The following FANCA variants were observed in gnomAD, a reference collection of about 807,000 sequenced individuals.
The protein encoded by FANCA is Fanconi anemia group A protein.
Under a neutral mutation model 194.3 loss-of-function variants are expected in FANCA, and 236 were observed. That is an observed-to-expected ratio of 1.21 (90% CI 1.09 to 1.35). The LOEUF (loss-of-function observed/expected upper bound fraction) is 1.35, where lower values mean the gene tolerates loss of function less well. FANCA is among the 40% of genes most tolerant of loss of function. The pLI is 0.00. For missense variants in FANCA, 2,628 were observed against 1,813.9 expected, an observed-to-expected ratio of 1.45 and a Z score of -8.15; for synonymous variants, 1,014 against 715.8, an observed-to-expected ratio of 1.42 and a Z score of -6.65.
chr16:89,785,506 T>C lies in FANCA; in HGVS notation c.1360-542A>G, dbSNP rs542413866. 2.6e-5 allele frequency among the ~76,000 whole-genome samples: 4 copies of C among 152,048 alleles called. No individual in the cohort carries two copies. In the East Asian group the frequency reaches 5.8e-4, roughly 22 times the overall value. On this transcript the variant is annotated intron_variant, in intron 14 of 42. Transcript: ENST00000389301. ...CCAAGGAGGGCCACCCCTCAGACAATGAAGCTGCAAGACCCTAGCAGAGCA... is the reference window on the plus strand; with the variant it reads ...CCAAGGAGGGCCACCCCTCAGACAACGAAGCTGCAAGACCCTAGCAGAGCA...
intron 36 of FANCA, chr16:89,744,677 G>GTTT (rs34088132): frequency 9.3e-5 from 35 of 376,662 alleles, no homozygotes; most frequent in African/African-American, 4.8e-4. Context: ...TTTTTTTTTT[G>GTTT]TTTTTTTTCT....
At chr16:89,799,380 A>C (rs1045083620) in intron 9 of FANCA, 148 bp from the exon 10 acceptor site, 18 of 1,011,608 alleles carry the variant, frequency 1.8e-5, no homozygotes, top group Non-Finnish European at 2.7e-5. Flanking sequence ...TGTAGGCCTT[A>C]ATCAAAACAC....
chr16:89,816,516 C>A, intron 1 of FANCA, 21 bp downstream of exon 1: 1 of 1,481,668 alleles, frequency 6.7e-7, no homozygotes, highest in Non-Finnish European at 8.9e-7. Flanking sequence ...CCCACTCCCG[C>A]GGCCTGCCGC....
intron 17 of FANCA, among the ~76,000 whole-genome samples, chr16:89,781,990 G>A (rs1312805439): frequency 6.6e-6 from 1 of 150,618 alleles, no homozygotes; most frequent in Non-Finnish European, 1.5e-5. Flanking sequence ...CTGGGCGACA[G>A]AGCGAGACTC....
In FANCA at chr16:89,781,862, G is replaced by A. The variant is rs905518235; in HGVS notation, c.1626+997C>T. On this transcript the variant is annotated intron_variant, in intron 17 of 42. Coordinates refer to ENST00000389301, the MANE Select transcript of FANCA (RefSeq NM_000135.4). Reference sequence around the variant, plus strand: ...AAAATATACAAAAAATTAGCCAGGCGTGGTGGCAGGCATCTGTAGGCCCAC... The same window carrying A: ...AAAATATACAAAAAATTAGCCAGGCATGGTGGCAGGCATCTGTAGGCCCAC... Among the ~76,000 whole-genome samples, 5 of 146,392 alleles carry A rather than the reference G, an allele frequency of 3.4e-5. No homozygotes were observed. In the East Asian group the frequency reaches 8.4e-4, roughly 25 times the overall value.
In FANCA at chr16:89,814,555, G is replaced by A; in HGVS notation, c.248C>T (p.Ser83Phe). 1 of 1,613,792 alleles carries A rather than the reference G, an allele frequency of 6.2e-7. No individual in the cohort carries two copies. The highest frequency in any genetic ancestry group is 8.5e-7 in the Non-Finnish European group (1 of 1,179,724). The change falls in exon 3 of 43, where the codon TCT (serine) becomes TTT (phenylalanine). Residue 83 changes from serine (S) to phenylalanine (F), a missense_variant. Coordinates refer to ENST00000389301, the MANE Select transcript of FANCA (RefSeq NM_000135.4). ...ACTAGAATGATTAGCATAGGCCTCA[G>A]AACTGTCACAGTCAATCACTTTGCT... Reference protein sequence around the residue: ...SLSKVIDCDSSEAYANHSSSF... With the variant: ...SLSKVIDCDSFEAYANHSSSF...
In FANCA at chr16:89,740,800, T is replaced by A; in HGVS notation, c.3828+4A>T. On this transcript the variant is annotated splice_donor_region_variant and intron_variant, in intron 38 of 42. Coordinates refer to ENST00000389301, the MANE Select transcript of FANCA (RefSeq NM_000135.4). ...GACACCTTGGCTGGTAAGGTCTGAC[T>A]TACATTTGAGGTCAGATGTGACGAC... 1 of 1,612,992 alleles carries A rather than the reference T, an allele frequency of 6.2e-7. No individual in the cohort carries two copies. The highest frequency in any genetic ancestry group is 2.2e-5 in the East Asian group (1 of 44,852).
chr16:89,792,772 G>C (rs2040120236), intron 11 of FANCA: 3 of 481,590 alleles, frequency 6.2e-6, no homozygotes, highest in Non-Finnish European at 1.2e-5. Flanking sequence ...ATGTCTGGTT[G>C]TGCTGTTATT....
rs368979136 is a variant in FANCA at position 89,799,648 on chromosome 16, T to C, written c.793-10A>G. On this transcript the variant is annotated splice_polypyrimidine_tract_variant and intron_variant, in intron 8 of 42. Coordinates refer to ENST00000389301, the MANE Select transcript of FANCA (RefSeq NM_000135.4). The stretch of plus-strand genomic sequence containing the variant: ...GTACATCAACCGTGACCTGTCAAAA[T>C]AGAATGTGAGTTACCATCTTGGTAA... The C allele has an allele frequency of 2.5e-6, 4 of 1,610,286 alleles. No homozygotes were observed. The highest frequency in any genetic ancestry group is 2.2e-5 in the East Asian group (1 of 44,832).
rs548352610 is a variant in FANCA at position 89,784,703 on chromosome 16, C to T, written c.1470+151G>A. On this transcript the variant is annotated intron_variant, in intron 15 of 42. Transcript: ENST00000389301. ...AATGTTTGTGTTGTTTCACCATAAA[C>T]GGCTTGGGGAAGGGGAAGGGGAAGG... 11 of 732,248 alleles carry T rather than the reference C, an allele frequency of 1.5e-5. No individual in the cohort carries two copies. In the East Asian group the frequency reaches 2.0e-4, roughly 13 times the overall value. 45.4% of individuals were successfully genotyped at this position (732,248 alleles called of 1,614,324 possible).
At chr16:89,773,932 G>A (rs1298276818) in intron 21 of FANCA, among the ~76,000 whole-genome samples, 1 of 151,998 alleles carries the variant, frequency 6.6e-6, no homozygotes, top group Admixed American at 6.6e-5. Flanking sequence ...ACCACATCCA[G>A]CTAATTTTTT....
Position 89,738,633 on chromosome 16 carries a change from C to T in FANCA, c.4336G>A (p.Ala1446Thr), listed in dbSNP as rs772505725. 15 of 1,613,572 alleles carry T rather than the reference C, an allele frequency of 9.3e-6. No individual in the cohort carries two copies. Among genetic ancestry groups the T allele is most frequent in the South Asian group, 4.4e-5 (4 of 91,064 alleles). The change falls in exon 43 of 43, where the codon GCT becomes ACT. Residue 1446 changes from alanine to threonine, a missense_variant. Physicochemically the swap from Ala to Thr is moderately conservative, Grantham distance 58. Coordinates refer to ENST00000389301, the MANE Select transcript of FANCA (RefSeq NM_000135.4). The part of the protein sequence containing the change: ...LQSRQQAAPD[A>T]DLSQEPHLF ...AGATGAGGCTCCTGGGACAGGTCAG[C>T]GTCAGGGGCAGCCTGCTGTCTGCTC...
Position 89,770,591 on chromosome 16 carries a change from G to A in FANCA, c.2195C>T (p.Ala732Val), listed in dbSNP as rs2143339921. The A allele has an allele frequency of 6.2e-7, 1 of 1,611,744 alleles. No individual in the cohort carries two copies. The highest frequency in any genetic ancestry group is 1.1e-5 in the South Asian group (1 of 90,438). The stretch of plus-strand genomic sequence containing the variant: ...CTCCGGGGGAGCGACACTGGAGGCA[G>A]CCATCAGGTTCTGACAGAAAGACGT... ...LLTSFCQNLM[A>V]ASSVAPPERQ... Residue 732 changes from alanine to valine, a missense_variant, in exon 24 of 43, where the codon GCT becomes GTT. Ala to Val is a moderately conservative substitution (Grantham distance 64). Transcript: ENST00000389301.
Position 89,749,880 on chromosome 16 carries a change from A to T in FANCA, c.3089T>A (p.Leu1030Gln). The T allele has an allele frequency of 6.2e-7, 1 of 1,614,174 alleles. No homozygotes were observed. Among genetic ancestry groups the T allele is most frequent in the Middle Eastern group, 1.7e-4 (1 of 6,048 alleles). ...GAGAGGCACTATGAGGTCTTGCTGC[A>T]GCTCCAGGTCAGCTACCATCTCCTG... is the stretch of plus-strand genomic sequence containing the variant. ...RLQEMVADLE[L>Q]QQDLIVPLGH... The change falls in exon 32 of 43, where the codon CTG becomes CAG. Residue 1030 changes from leucine to glutamine, a missense_variant. Coordinates refer to ENST00000389301, the MANE Select transcript of FANCA (RefSeq NM_000135.4).
intron 31 of FANCA, 85 bp downstream of exon 31, chr16:89,752,053 A>C: frequency 8.2e-7 from 1 of 1,220,622 alleles, no homozygotes; most frequent in East Asian, 2.3e-5. Context: ...TACAGGCGTG[A>C]GCCACCGCGC....
In FANCA at chr16:89,769,897, G is replaced by A. The variant is rs778009295; in HGVS notation, c.2444C>T (p.Pro815Leu). Residue 815 changes from proline to leucine, a missense_variant, in exon 26 of 43, where the codon CCT becomes CTT. Physicochemically the swap from Pro to Leu is moderately conservative, Grantham distance 98 (BLOSUM62 -3). Coordinates refer to ENST00000389301, the MANE Select transcript of FANCA (RefSeq NM_000135.4). ...GGTCAGGAGGCTGTCAAAGAGCGCA[G>A]GGACAGGAAGGCCAGCACCAGGTGC... ...PPAPGAGLPV[P>L]ALFDSLLTCR... 6.8e-6 allele frequency: 11 copies of A among 1,614,108 alleles called. No homozygotes were observed. Among genetic ancestry groups the A allele is most frequent in the South Asian group, 1.1e-5 (1 of 91,080 alleles).
At chr16:89,755,776 T>A (rs990357071) in intron 30 of FANCA, among the ~76,000 whole-genome samples, 5 of 152,090 alleles carry the variant, frequency 3.3e-5, no homozygotes, top group Admixed American at 2.0e-4. Flanking sequence ...GAGAAACACA[T>A]CTTTAGGTGG....
chr16:89,741,953 TA>T (rs1274034047), intron 37 of FANCA, among the ~76,000 whole-genome samples: 1 of 151,170 alleles, frequency 6.6e-6, no homozygotes, highest in Non-Finnish European at 1.5e-5. Context: ...CCATCTCTTT[TA>T]ATTTTTACTT....
chr16:89,785,733 C>T lies in FANCA; in HGVS notation c.1360-769G>A, dbSNP rs141396506. Among the ~76,000 whole-genome samples the T allele has an allele frequency of 5.0e-4, 76 of 152,252 alleles. No homozygotes were observed. In the Middle Eastern group the frequency reaches 0.01, roughly 20 times the overall value. On this transcript the variant is annotated intron_variant, in intron 14 of 42. Coordinates refer to ENST00000389301, the MANE Select transcript of FANCA (RefSeq NM_000135.4). ...CCAGACGAGCTCCTGCCACCCTAGCCCCACTTGAGACCACAGGACATCCTG... is the reference window on the plus strand; with the variant it reads ...CCAGACGAGCTCCTGCCACCCTAGCTCCACTTGAGACCACAGGACATCCTG...
Sources: allele counts gnomAD v4.1 joint callset (sites outside exome capture counted in the v4.1 genomes callset), GRCh38; gene constraint gnomAD v4.1.1; transcripts MANE v1.5; gene names NCBI Gene and HGNC (gene_info 2026-07-23, HGNC 2026-07-21).